Variants in GRM7 observed in about 807,000 individuals in gnomAD.
GRM7 encodes glutamate metabotropic receptor 7.
In GRM7, 35 loss-of-function variants were observed where a neutral mutation model predicts 84.5. The observed-to-expected ratio is 0.41, with a 90% CI of 0.32 to 0.55. The LOEUF is 0.55. Ranked by LOEUF, GRM7 falls within the 20% of genes least tolerant of loss-of-function variation. GRM7 has a pLI of 0.19. For synonymous variants in GRM7, 487 were observed against 455.1 expected, an observed-to-expected ratio of 1.07 and a Z score of -0.89; for missense variants, 1,003 against 1,194.6, an observed-to-expected ratio of 0.84 and a Z score of 2.36.
rs576530965 is a variant in GRM7 at position 7,513,601 on chromosome 3, G to C, written c.1515+51879G>C. Among the ~76,000 whole-genome samples, 26 of 151,356 alleles carry C rather than the reference G, an allele frequency of 1.7e-4. No homozygotes were observed. The South Asian group carries it at 2.1e-3, about 12-fold the overall frequency. ...ATTGTATGTTTCAAAATAAAAGAGT[G>C]GACTTGTGATATTCTTAATGCAAAT... On this transcript the variant is annotated intron_variant, in intron 7 of 9. Transcript: ENST00000357716.
chr3:7,023,972 C>T (rs923809892), intron 1 of GRM7, among the ~76,000 whole-genome samples: 1 of 152,116 alleles, frequency 6.6e-6, no homozygotes, highest in Admixed American at 6.5e-5. Flanking sequence ...GTGATGGAGA[C>T]CAGGCCTGTT....
Position 7,655,256 on chromosome 3 carries a change from C to T in GRM7, c.2452-24793C>T, listed in dbSNP as rs187790776. On this transcript the variant is annotated intron_variant, in intron 8 of 9. Coordinates refer to ENST00000357716, the MANE Select transcript of GRM7 (RefSeq NM_000844.4). Reference sequence around the variant, plus strand: ...GTTGAATTTGTGGCAGAAGAGAAAACAATTTCTTGCAAAATCTTCAAAGCT... The same window carrying T: ...GTTGAATTTGTGGCAGAAGAGAAAATAATTTCTTGCAAAATCTTCAAAGCT... Among the ~76,000 whole-genome samples the T allele has an allele frequency of 2.8e-3, 433 of 152,300 alleles. 7 individuals are homozygous for T. Among genetic ancestry groups the T allele is most frequent in the Middle Eastern group, 0.017 (5 of 294 alleles).
chr3:7,177,959 C>G (rs1045796503), intron 2 of GRM7, among the ~76,000 whole-genome samples: 1 of 152,164 alleles, frequency 6.6e-6, no homozygotes, highest in Non-Finnish European at 1.5e-5. Context: ...AATACCCAGT[C>G]CTATGTTAGA....
At position 7,188,033 on chromosome 3, in the gene GRM7, C is replaced by A. The variant is rs1180335147; in HGVS notation, c.736+41365C>A. ...TTCGGGAGCTCAAAAGAAAGGCAAA[C>A]CTAGAAGGATTCGAGTTCCCTGGTG... is the stretch of plus-strand genomic sequence containing the variant. On this transcript the variant is annotated intron_variant, in intron 2 of 9. Transcript: ENST00000357716. The surrounding 1 kb of genome is among the most constrained non-coding windows in gnomAD (Gnocchi z 4.2). Among the ~76,000 whole-genome samples the A allele has an allele frequency of 2.0e-5, 3 of 152,038 alleles. No homozygotes were observed. The highest frequency in any genetic ancestry group is 7.2e-5 in the African/African-American group (3 of 41,400).
intron 2 of GRM7, among the ~76,000 whole-genome samples, chr3:7,257,459 A>G (rs1698250158): frequency 6.6e-6 from 1 of 152,132 alleles, no homozygotes; most frequent in Non-Finnish European, 1.5e-5. Context: ...AAGAAGCTCA[A>G]TTTCTCACCA....
chr3:7,191,724 C>T (rs1198188748), intron 2 of GRM7, among the ~76,000 whole-genome samples: 1 of 150,820 alleles, frequency 6.6e-6, no homozygotes, highest in Non-Finnish European at 1.5e-5. Flanking sequence ...CAGATGTGGC[C>T]AGAAGTTACT....
At chr3:7,319,825 T>A (rs2030154) in intron 4 of GRM7, among the ~76,000 whole-genome samples, 52,424 of 151,898 alleles carry the variant, frequency 0.35, 9,629 homozygotes, top group Middle Eastern at 0.45. Context: ...TTGTTGCCTT[T>A]GATTATTATT....
At chr3:7,058,164 A>AT (rs1035894046) in intron 1 of GRM7, among the ~76,000 whole-genome samples, 6 of 151,582 alleles carry the variant, frequency 4.0e-5, no homozygotes, top group Admixed American at 1.3e-4. Context: ...ACCATATTAC[A>AT]TTTTTTTTCT....
intron 1 of GRM7, among the ~76,000 whole-genome samples, chr3:7,111,371 A>G (rs1415461223): frequency 6.6e-6 from 1 of 152,184 alleles, no homozygotes; most frequent in Non-Finnish European, 1.5e-5. Flanking sequence ...AGGTCCAGAT[A>G]AGGATTTGTG....
intron 1 of GRM7, among the ~76,000 whole-genome samples, chr3:6,890,032 A>T (rs62235367): frequency 0.092 from 14,053 of 152,144 alleles, 714 homozygotes; most frequent in Non-Finnish European, 0.11. Flanking sequence ...AGGTGTTTGT[A>T]GTATTCTCTG....
At chr3:7,713,831 A>T (rs1431052560) in intron 9 of GRM7, among the ~76,000 whole-genome samples, 8 of 114,188 alleles carry the variant, frequency 7.0e-5, no homozygotes, top group Admixed American at 2.3e-4. Context: ...TTTTAAAGCA[A>T]TGGGTAGAGT....
chr3:7,650,583 T>TC (rs1698887378), intron 8 of GRM7, among the ~76,000 whole-genome samples: 1 of 152,244 alleles, frequency 6.6e-6, no homozygotes, highest in East Asian at 1.9e-4. Context: ...TGGTTCTAAT[T>TC]CTGTTTCAGA....
intron 2 of GRM7, among the ~76,000 whole-genome samples, chr3:7,210,036 G>C (rs1379719508): frequency 6.6e-6 from 1 of 152,086 alleles, no homozygotes; most frequent in Non-Finnish European, 1.5e-5. Context: ...GATCTTTTAG[G>C]CATGTTAATA....
In GRM7 at chr3:7,264,204, C is replaced by T. The variant is rs547423791; in HGVS notation, c.737-34480C>T. ...TGTTCAGGCCAGACTGGTCCCGTCT[C>T]ATGGGCAAGACCGCCCTGCAGAATT... On this transcript the variant is annotated intron_variant, in intron 2 of 9. Coordinates refer to ENST00000357716, the MANE Select transcript of GRM7 (RefSeq NM_000844.4). Among the ~76,000 whole-genome samples the T allele has an allele frequency of 5.9e-5, 9 of 152,270 alleles. No individual in the cohort carries two copies. The South Asian group carries it at 1.0e-3, about 18-fold the overall frequency.
chr3:7,159,555 CT>C (rs1244728520), intron 2 of GRM7, among the ~76,000 whole-genome samples: 1 of 152,186 alleles, frequency 6.6e-6, no homozygotes, highest in Non-Finnish European at 1.5e-5. Context: ...CACCTTCCCC[CT>C]CTTTCATTCT....
intron 9 of GRM7, among the ~76,000 whole-genome samples, chr3:7,716,784 C>T (rs1701783668): frequency 6.6e-6 from 1 of 152,182 alleles, no homozygotes; most frequent in Admixed American, 6.6e-5. Context: ...TAAGCAGATT[C>T]ATGCAAACCA....
At chr3:7,311,119 A>G (rs1700375785) in intron 4 of GRM7, among the ~76,000 whole-genome samples, 1 of 152,208 alleles carries the variant, frequency 6.6e-6, no homozygotes, top group South Asian at 2.1e-4. Context: ...TCTAGAGGTC[A>G]AGAATAAAAT....
intron 7 of GRM7, among the ~76,000 whole-genome samples, chr3:7,548,881 A>C (rs1287214536): frequency 6.6e-6 from 1 of 152,238 alleles, no homozygotes; most frequent in Admixed American, 6.5e-5. Context: ...GTGAATGCAA[A>C]GATTAAATAA....
intron 7 of GRM7, among the ~76,000 whole-genome samples, chr3:7,470,841 G>T (rs2124923185): frequency 1.3e-5 from 2 of 152,202 alleles, no homozygotes; most frequent in Middle Eastern, 6.8e-3. Flanking sequence ...TGTACGATCT[G>T]CCTAACTTTT....
Sources: allele counts gnomAD v4.1 joint callset (sites outside exome capture counted in the v4.1 genomes callset), GRCh38; gene constraint gnomAD v4.1.1; non-coding constraint Gnocchi (gnomAD v3.1); transcripts MANE v1.5; gene names NCBI Gene and HGNC (gene_info 2026-07-23, HGNC 2026-07-21).